The following MRTFA variants were observed in gnomAD, a reference collection of about 807,000 sequenced individuals.
MRTFA encodes the protein myocardin related transcription factor A, also known as myocardin-related transcription factor A.
Under a neutral mutation model 83.5 loss-of-function variants are expected in MRTFA, and 20 were observed. The ratio of observed to expected loss-of-function variants is 0.24; its 90% CI spans 0.17 to 0.35. MRTFA has a LOEUF of 0.35. MRTFA is among the 10% of genes least tolerant of loss of function. The pLI is 1.00. For missense variants in MRTFA, 1,200 were observed against 1,224.7 expected (o/e 0.98, Z 0.30); for synonymous variants, 659 against 541.2 (o/e 1.22, Z -3.02).
At chr22:40,459,767 G>A (rs1407143050) in intron 4 of MRTFA, among the ~76,000 whole-genome samples, 1 of 138,398 alleles carries the variant, frequency 7.2e-6, no homozygotes, top group East Asian at 2.1e-4. Context: ...CACTGGGGAC[G>A]GGACTGATAA....
chr22:40,613,692 G>GA (rs899742727), intron 1 of MRTFA, among the ~76,000 whole-genome samples: 12 of 148,300 alleles, frequency 8.1e-5, no homozygotes, highest in Middle Eastern at 3.5e-3. Flanking sequence ...CCTGTCTCTA[G>GA]AAAAAAAAAA....
rs1022953403 is a variant in MRTFA, at chr22:40,488,520, CT to C, written c.242-25235del. On this transcript the variant is annotated intron_variant, in intron 3 of 14. Coordinates refer to ENST00000355630, the MANE Select transcript of MRTFA (RefSeq NM_020831.6). The stretch of plus-strand genomic sequence containing the variant: ...CGACACGGTGAGACTCCATCTCTCT[CT>C]TTTTTTTTAATTAAATTAAAAATTC... Among the ~76,000 whole-genome samples, 6 of 151,156 alleles carry C rather than the reference CT, an allele frequency of 4.0e-5. No individual in the cohort carries two copies. In the South Asian group the frequency reaches 6.3e-4, roughly 16 times the overall value.
chr22:40,499,640 A>G (rs1182630021), intron 3 of MRTFA, among the ~76,000 whole-genome samples: 1 of 152,180 alleles, frequency 6.6e-6, no homozygotes, highest in Non-Finnish European at 1.5e-5. Context: ...CCTCCCTATA[A>G]TTACATCCTC....
intron 3 of MRTFA, among the ~76,000 whole-genome samples, chr22:40,549,942 G>A (rs991774197): frequency 6.6e-5 from 10 of 151,970 alleles, no homozygotes; most frequent in Admixed American, 5.9e-4. Context: ...CCAGCTACTC[G>A]GGTGGCTGAG....
chr22:40,628,123 T>G (rs2147446988), intron 1 of MRTFA, among the ~76,000 whole-genome samples: 1 of 152,334 alleles, frequency 6.6e-6, no homozygotes, highest in South Asian at 2.1e-4. Context: ...TACTATAAAG[T>G]AGATGCCCCT....
At chr22:40,443,211 C>T (rs758860766) in intron 4 of MRTFA, among the ~76,000 whole-genome samples, 6 of 151,884 alleles carry the variant, frequency 4.0e-5, no homozygotes, top group African/African-American at 7.3e-5. Flanking sequence ...AAGATCATGC[C>T]ACTGCACTCT....
At chr22:40,557,877 A>T (rs1203545378) in intron 2 of MRTFA, among the ~76,000 whole-genome samples, 1 of 151,958 alleles carries the variant, frequency 6.6e-6, no homozygotes, top group Non-Finnish European at 1.5e-5. Context: ...GGCCTCAAGC[A>T]ATCCTCCTGC....
chr22:40,460,741 T>C (rs1479293884), intron 4 of MRTFA, among the ~76,000 whole-genome samples: 2 of 152,184 alleles, frequency 1.3e-5, no homozygotes, highest in African/African-American at 2.4e-5. Context: ...ACATTGCTGA[T>C]ACAATGAACA....
At chr22:40,542,369 T>G (rs1021897847) in intron 3 of MRTFA, among the ~76,000 whole-genome samples, 3 of 152,218 alleles carry the variant, frequency 2.0e-5, no homozygotes, top group African/African-American at 7.2e-5. Flanking sequence ...TCTTGTGTTT[T>G]TGTTTTTTTA....
intron 1 of MRTFA, among the ~76,000 whole-genome samples, chr22:40,595,783 A>G (rs1482505400): frequency 1.3e-5 from 2 of 152,016 alleles, no homozygotes; most frequent in Non-Finnish European, 2.9e-5. Flanking sequence ...TTAGATCAGC[A>G]AAGAGTGGAG....
intron 4 of MRTFA, among the ~76,000 whole-genome samples, chr22:40,436,475 A>C (rs1178631619): frequency 2.0e-5 from 3 of 152,174 alleles, no homozygotes; most frequent in African/African-American, 7.2e-5. Context: ...TATGTGAAGG[A>C]ACACACACAA....
At chr22:40,451,873 C>G (rs1443579634) in intron 4 of MRTFA, among the ~76,000 whole-genome samples, 2 of 151,996 alleles carry the variant, frequency 1.3e-5, no homozygotes, top group African/African-American at 4.8e-5. Context: ...TCTGAAGTCC[C>G]CATAATCAAT....
chr22:40,423,448 A>T, intron 9 of MRTFA, 88 bp downstream of exon 9: 1 of 1,229,378 alleles, frequency 8.1e-7, no homozygotes, highest in Non-Finnish European at 1.1e-6. Context: ...CACACCCTCT[A>T]CAGCTGTCCC....
At chr22:40,630,821 G>A (rs2056633995) in intron 1 of MRTFA, among the ~76,000 whole-genome samples, 1 of 152,182 alleles carries the variant, frequency 6.6e-6, no homozygotes. Context: ...TCCTGTCTCA[G>A]CCTCTCACAT....
At chr22:40,462,508 C>T (rs576119220) in intron 4 of MRTFA, among the ~76,000 whole-genome samples, 1 of 152,126 alleles carries the variant, frequency 6.6e-6, no homozygotes, top group Non-Finnish European at 1.5e-5. Context: ...AAAAGAGAGC[C>T]TATGTTCTCT....
intron 3 of MRTFA, 26 bp downstream of exon 3, chr22:40,552,080 A>G (rs118141963): frequency 9.7e-4 from 386 of 398,216 alleles, no homozygotes; most frequent in Non-Finnish European, 1.5e-3. Context: ...CAAATCAGGG[A>G]ATGCAATAAT....
chr22:40,620,423 C>CTTTT (rs747409456), intron 1 of MRTFA, among the ~76,000 whole-genome samples: 8 of 94,196 alleles, frequency 8.5e-5, no homozygotes, highest in African/African-American at 2.6e-4. Context: ...AACATGCAGT[C>CTTTT]TTTTTTTTTT....
chr22:40,548,635 C>T (rs1384523657), intron 3 of MRTFA, among the ~76,000 whole-genome samples: 4 of 151,898 alleles, frequency 2.6e-5, no homozygotes, highest in African/African-American at 4.8e-5. Flanking sequence ...CCAAGGCGGG[C>T]GGATCACAAG....
chr22:40,427,266 A>T (rs939215017), intron 7 of MRTFA, among the ~76,000 whole-genome samples: 5 of 152,140 alleles, frequency 3.3e-5, no homozygotes, highest in Admixed American at 1.3e-4. Flanking sequence ...AACGCCAGGG[A>T]AAATCTGTGA....
Sources: gnomAD v4.1 joint callset for allele counts (sites outside exome capture counted in the v4.1 genomes callset) on GRCh38, gnomAD v4.1.1 for gene constraint, MANE v1.5 for transcripts, NCBI Gene and HGNC (gene_info 2026-07-23, HGNC 2026-07-21) for gene names.